Variants in CNTN4 observed in about 807,000 individuals in gnomAD.
CNTN4 encodes the protein contactin-4.
Under a neutral mutation model 122.5 loss-of-function variants are expected in CNTN4, and 77 were observed. The ratio of observed to expected loss-of-function variants is 0.63; its 90% CI spans 0.52 to 0.76. The LOEUF (loss-of-function observed/expected upper bound fraction) is 0.76, where lower values mean the gene tolerates loss of function less well. CNTN4 is among the 30% of genes least tolerant of loss of function. The pLI, the probability that CNTN4 is intolerant of heterozygous loss-of-function variation, is 0.00. For synonymous variants in CNTN4, 512 were observed against 447.0 expected, an observed-to-expected ratio of 1.15 and a Z score of -1.83; for missense variants, 1,256 against 1,259.1, an observed-to-expected ratio of 1.00 and a Z score of 0.04.
chr3:2,694,211 T>C (rs925957548), intron 4 of CNTN4, among the ~76,000 whole-genome samples: 1 of 152,252 alleles, frequency 6.6e-6, no homozygotes, highest in Non-Finnish European at 1.5e-5. Flanking sequence ...AAAACTCCCA[T>C]AGTTCCTTGC....
chr3:2,829,122 T>C (rs1407244565), intron 7 of CNTN4, among the ~76,000 whole-genome samples: 1 of 152,214 alleles, frequency 6.6e-6, no homozygotes, highest in Non-Finnish European at 1.5e-5. Flanking sequence ...ACTCCTTTAT[T>C]TGAAATGTAA....
At chr3:3,027,411 A>G (rs1003094341) in intron 15 of CNTN4, among the ~76,000 whole-genome samples, 6 of 152,174 alleles carry the variant, frequency 3.9e-5, no homozygotes, top group Admixed American at 6.5e-5. Context: ...GCCAGCGTAA[A>G]CCATTCTGGA....
In CNTN4 at chr3:2,932,755, G is replaced by C. The variant is rs956431664; in HGVS notation, c.1358+6976G>C. On this transcript the variant is annotated intron_variant, in intron 13 of 24. Transcript: ENST00000418658. ...TAAAAGGGAAAGAGCAAGCAAGAGA[G>C]AAAAAAAAGGAGGGAGGGTGGACAA... Among the ~76,000 whole-genome samples the C allele has an allele frequency of 3.3e-5, 5 of 151,082 alleles. No individual in the cohort carries two copies. In the South Asian group the frequency reaches 8.3e-4, roughly 25 times the overall value.
intron 2 of CNTN4, among the ~76,000 whole-genome samples, chr3:2,167,187 T>A (rs918169404): frequency 6.6e-6 from 1 of 151,232 alleles, no homozygotes; most frequent in Non-Finnish European, 1.5e-5. Context: ...AAAAGAAGAC[T>A]TTTTTTTTAA....
Position 2,214,861 on chromosome 3 carries a change from A to G in CNTN4, c.-145+114222A>G, listed in dbSNP as rs546098543. Among the ~76,000 whole-genome samples the G allele has an allele frequency of 5.3e-5, 8 of 152,356 alleles. No individual in the cohort carries two copies. In the East Asian group the frequency reaches 1.2e-3, roughly 22 times the overall value. The stretch of plus-strand genomic sequence containing the variant: ...TTCTTATTTAATAGTGATTCAGAAT[A>G]TTGGAGGTCACTCAAAAAGAGAAAG... On this transcript the variant is annotated intron_variant, in intron 2 of 24. Transcript: ENST00000418658.
chr3:2,947,054 T>C (rs908425042), intron 13 of CNTN4, among the ~76,000 whole-genome samples: 2 of 152,192 alleles, frequency 1.3e-5, no homozygotes, highest in Non-Finnish European at 2.9e-5. Context: ...AGAAGAGTTA[T>C]CCTTTTAGCA....
chr3:2,215,089 C>T (rs559585103), intron 2 of CNTN4, among the ~76,000 whole-genome samples: 3 of 152,312 alleles, frequency 2.0e-5, no homozygotes, highest in Non-Finnish European at 4.4e-5. Context: ...CATATCCTTT[C>T]TCACCTCTAT....
At chr3:2,180,829 G>A (rs2036982031) in intron 2 of CNTN4, among the ~76,000 whole-genome samples, 1 of 151,994 alleles carries the variant, frequency 6.6e-6, no homozygotes, top group African/African-American at 2.4e-5. Flanking sequence ...AATTTACCTT[G>A]GATTGAAGAA....
intron 4 of CNTN4, among the ~76,000 whole-genome samples, chr3:2,636,341 A>G (rs577673294): frequency 6.6e-6 from 1 of 152,338 alleles, no homozygotes; most frequent in South Asian, 2.1e-4. Flanking sequence ...CTATTGAGGA[A>G]CACTAATTAT....
intron 12 of CNTN4, among the ~76,000 whole-genome samples, chr3:2,905,982 A>G (rs2094226805): frequency 6.6e-6 from 1 of 152,238 alleles, no homozygotes; most frequent in Non-Finnish European, 1.5e-5. Flanking sequence ...GTATATGTGA[A>G]CACAGTAGAA....
At chr3:2,553,673 G>A (rs1296781882) in intron 3 of CNTN4, among the ~76,000 whole-genome samples, 2 of 152,112 alleles carry the variant, frequency 1.3e-5, no homozygotes, top group African/African-American at 4.8e-5. Flanking sequence ...AGCTGAAAAG[G>A]ATGAGGAAGA....
chr3:2,788,360 A>G (rs1403986086), intron 6 of CNTN4, among the ~76,000 whole-genome samples: 2 of 152,318 alleles, frequency 1.3e-5, no homozygotes, highest in Middle Eastern at 3.4e-3. Flanking sequence ...TATTTAACCC[A>G]ATGGAATATA....
At chr3:2,546,004 A>G (rs912560258) in intron 3 of CNTN4, among the ~76,000 whole-genome samples, 1 of 152,136 alleles carries the variant, frequency 6.6e-6, no homozygotes, top group Non-Finnish European at 1.5e-5. Flanking sequence ...ATTATGAAAA[A>G]GTCAAAAAAT....
At chr3:2,449,681 A>C (rs1379453035) in intron 3 of CNTN4, among the ~76,000 whole-genome samples, 1 of 152,094 alleles carries the variant, frequency 6.6e-6, no homozygotes, top group Non-Finnish European at 1.5e-5. Context: ...TCTTTTGGAC[A>C]TATATCCAGA....
At chr3:2,525,211 C>A (rs1286976704) in intron 3 of CNTN4, among the ~76,000 whole-genome samples, 1 of 152,074 alleles carries the variant, frequency 6.6e-6, no homozygotes, top group Non-Finnish European at 1.5e-5. Flanking sequence ...ATTACCACTG[C>A]TGTGTGTTTG....
chr3:2,571,396 A>C lies in CNTN4; in HGVS notation c.-88-20A>C, dbSNP rs1260218124. 3.8e-6 allele frequency: 3 copies of C among 795,988 alleles called. No individual in the cohort carries two copies. The highest frequency in any genetic ancestry group is 1.7e-5 in the African/African-American group (1 of 58,782). The allele number at this position is 795,988 out of a possible 1,614,324, so 49.3% of individuals were successfully genotyped here. Reference sequence around the variant, plus strand: ...AGAAATATTCCCAAATCTCATTGTAATGTCTCTTCTTTCCCACAGATTAAA... The same window carrying C: ...AGAAATATTCCCAAATCTCATTGTACTGTCTCTTCTTTCCCACAGATTAAA... On this transcript the variant is annotated intron_variant, in intron 3 of 24. Transcript: ENST00000418658.
chr3:2,967,789 T>C (rs77835844), intron 13 of CNTN4, among the ~76,000 whole-genome samples: 8,196 of 152,062 alleles, frequency 0.054, 310 homozygotes, highest in Non-Finnish European at 0.078. Flanking sequence ...TCTTGAAGTC[T>C]AAATCTGGAA....
At chr3:2,298,100 G>A (rs975190418) in intron 2 of CNTN4, among the ~76,000 whole-genome samples, 1 of 152,208 alleles carries the variant, frequency 6.6e-6, no homozygotes, top group Non-Finnish European at 1.5e-5. Context: ...ACACTAGGTA[G>A]ATGTTGGTTG....
intron 3 of CNTN4, among the ~76,000 whole-genome samples, chr3:2,404,930 C>T (rs534855713): frequency 2.6e-5 from 4 of 152,036 alleles, no homozygotes; most frequent in Admixed American, 1.3e-4. Flanking sequence ...CCCATTTCTT[C>T]GATAAGAAAG....
Sources: allele counts gnomAD v4.1 joint callset (sites outside exome capture counted in the v4.1 genomes callset), GRCh38; gene constraint gnomAD v4.1.1; transcripts MANE v1.5; gene names NCBI Gene and HGNC (gene_info 2026-07-23, HGNC 2026-07-21).